KCNA3: variants seen among roughly 807,000 people sequenced by gnomAD.
KCNA3 encodes the protein potassium voltage-gated channel subfamily A member 3, also known as RP11-284N8.3.
A neutral mutation model predicts 34.3 loss-of-function variants in KCNA3; 18 were observed. The observed-to-expected ratio is 0.52, with a 90% confidence interval of 0.36 to 0.78. The LOEUF is 0.78. Among genes scored for constraint, KCNA3 ranks in the 30% least tolerant of loss-of-function variants. The probability of loss-of-function intolerance (pLI) is 0.00; values close to 1 mark genes in which losing one functional copy is unlikely to be tolerated. For synonymous variants in KCNA3, 324 were observed against 351.7 expected (o/e 0.92, Z 0.88); for missense variants, 587 against 802.5 (o/e 0.73, Z 3.24).
At chr1:110,658,468 A>C in the KCNA3 span, among the ~76,000 whole-genome samples, 1 of 152,198 alleles carries the variant, frequency 6.6e-6, no homozygotes. Context: ...GACTTTCCAT[A>C]AGGCTTATGA....
chr1:110,666,909 A>G, the KCNA3 span, among the ~76,000 whole-genome samples: 1 of 152,218 alleles, frequency 6.6e-6, no homozygotes, highest in African/African-American at 2.4e-5. Context: ...AAGGCTGGAA[A>G]AAAAGAAAAA....
Position 110,673,004 on chromosome 1 carries a change from T to C in KCNA3, c.*78A>G. On this transcript the variant is annotated 3_prime_UTR_variant, in exon 1 of 1. Coordinates refer to ENST00000369769, the MANE Select transcript of KCNA3 (RefSeq NM_002232.5). The surrounding 1 kb of genome is among the most constrained non-coding windows in gnomAD (Gnocchi z 8.8). ...TTCCTTGATGAATGGTCTGGAAATG[T>C]ATAAAACAAGGGCATAGGCAGACCA... The C allele has an allele frequency of 2.2e-6, 3 of 1,353,008 alleles. No individual in the cohort carries two copies. Among genetic ancestry groups the C allele is most frequent in the Non-Finnish European group, 3.1e-6 (3 of 981,392 alleles). 83.8% of individuals were successfully genotyped at this position (1,353,008 alleles called of 1,614,324 possible). A position where few individuals can be genotyped will look rare whatever the true frequency, so the allele number is the denominator to read the frequency against.
the KCNA3 span, among the ~76,000 whole-genome samples, chr1:110,658,026 A>AC: frequency 6.6e-6 from 1 of 152,230 alleles, no homozygotes; most frequent in Non-Finnish European, 1.5e-5. Flanking sequence ...ACATAGCTCA[A>AC]ATCTGAGATA....
chr1:110,671,338 T>C (rs1461185330), downstream of KCNA3, among the ~76,000 whole-genome samples: 1 of 152,230 alleles, frequency 6.6e-6, no homozygotes, highest in Non-Finnish European at 1.5e-5. Context: ...AGGTGTAAAT[T>C]ATTTTTAAAA....
At chr1:110,660,059 T>G in the KCNA3 span, among the ~76,000 whole-genome samples, 2 of 152,112 alleles carry the variant, frequency 1.3e-5, no homozygotes, top group African/African-American at 4.8e-5. Context: ...GTTGTGCACA[T>G]GTAACCTAGA....
chr1:110,668,026 C>A (rs376983790), downstream of KCNA3, among the ~76,000 whole-genome samples: 1 of 152,080 alleles, frequency 6.6e-6, no homozygotes, highest in East Asian at 1.9e-4. Flanking sequence ...AGGTTATCAA[C>A]CACTTCCTAA....
chr1:110,659,439 A>T, the KCNA3 span, among the ~76,000 whole-genome samples: 2 of 152,184 alleles, frequency 1.3e-5, no homozygotes, highest in African/African-American at 4.8e-5. Flanking sequence ...TTTAATGTCA[A>T]CTGAAATAAA....
chr1:110,659,677 GA>G, the KCNA3 span, among the ~76,000 whole-genome samples: 1 of 151,732 alleles, frequency 6.6e-6, no homozygotes, highest in Non-Finnish European at 1.5e-5. Context: ...TTCCATTCAT[GA>G]ACCAGCCCAA....
the KCNA3 span, among the ~76,000 whole-genome samples, chr1:110,659,177 G>GA: frequency 3.1e-4 from 33 of 105,746 alleles, no homozygotes; most frequent in Non-Finnish European, 4.4e-4. Context: ...CTACTTAATT[G>GA]AAAAAAAAAA....
chr1:110,659,469 A>G, the KCNA3 span, among the ~76,000 whole-genome samples: 1 of 152,312 alleles, frequency 6.6e-6, no homozygotes, highest in African/African-American at 2.4e-5. Flanking sequence ...TGGCAGATGG[A>G]TCACTGCCCA....
chr1:110,673,217 C>A lies in KCNA3; in HGVS notation c.1593G>T (p.Val531=). Residue 531 remains valine (V), a synonymous_variant, in exon 1 of 1, where the codon GTG becomes GTT. Transcript: ENST00000369769. The surrounding 1 kb of genome is among the most constrained non-coding windows in gnomAD (Gnocchi z 8.8). Reference sequence around the variant, plus strand: ...TATGGTTCATACCCCCCTCTTCGATCACCATATACTCCGACTTACTCAGAG... The same window carrying A: ...TATGGTTCATACCCCCCTCTTCGATAACCATATACTCCGACTTACTCAGAG... ...NSTLSKSEYM[V]IEEGGMNHSA... is the part of the protein sequence containing the mutation. 6.2e-7 allele frequency: 1 copy of A among 1,614,148 alleles called. No homozygotes were observed. Among genetic ancestry groups the A allele is most frequent in the Non-Finnish European group, 8.5e-7 (1 of 1,180,038 alleles).
chr1:110,674,514 T>C lies in KCNA3; in HGVS notation c.296A>G (p.Gln99Arg). ...GACCACGCGCTCCCCGCAGCAGTCC[T>C]GCTCGCCCGCGGCCGGCAGTGAGGG... Reference protein sequence around the residue: ...LPPSLPAAGEQDCCGERVVIN... With the variant: ...LPPSLPAAGERDCCGERVVIN... The change falls in exon 1 of 1, where the codon CAG becomes CGG. Residue 99 changes from glutamine to arginine, a missense_variant. This residue lies in a region of KCNA3 where 341 missense variants were observed against 355.4 expected (regional missense o/e 0.96). Coordinates refer to ENST00000369769, the MANE Select transcript of KCNA3 (RefSeq NM_002232.5). The surrounding 1 kb of genome is among the most constrained non-coding windows in gnomAD (Gnocchi z 6.4). The C allele has an allele frequency of 3.1e-6, 5 of 1,611,700 alleles. No homozygotes were observed. Among genetic ancestry groups the C allele is most frequent in the Non-Finnish European group, 4.2e-6 (5 of 1,179,114 alleles).
At chr1:110,662,851 A>T in the KCNA3 span, among the ~76,000 whole-genome samples, 1 of 152,206 alleles carries the variant, frequency 6.6e-6, no homozygotes, top group East Asian at 1.9e-4. Context: ...ATGCTCTTTT[A>T]AAATCAGTTA....
the KCNA3 span, among the ~76,000 whole-genome samples, chr1:110,663,049 A>G: frequency 2.0e-5 from 3 of 152,172 alleles, no homozygotes; most frequent in Non-Finnish European, 4.4e-5. Context: ...AAATGTATTC[A>G]TGACTATCTG....
chr1:110,670,288 C>G (rs1651837102), downstream of KCNA3, among the ~76,000 whole-genome samples: 1 of 152,130 alleles, frequency 6.6e-6, no homozygotes, highest in Non-Finnish European at 1.5e-5. Context: ...AGCTTATATC[C>G]TTTAGGGAAC....
chr1:110,658,704 A>G, the KCNA3 span, among the ~76,000 whole-genome samples: 1 of 152,160 alleles, frequency 6.6e-6, no homozygotes, highest in Admixed American at 6.5e-5. Flanking sequence ...GAAAAGCTAT[A>G]AACATTAGAT....
chr1:110,657,661 T>C, the KCNA3 span, among the ~76,000 whole-genome samples: 1 of 152,240 alleles, frequency 6.6e-6, no homozygotes, highest in Non-Finnish European at 1.5e-5. Context: ...AACTGTAACC[T>C]GTAATAATAA....
the KCNA3 span, chr1:110,657,043 T>C: frequency 7.2e-6 from 1 of 138,080 alleles, no homozygotes; most frequent in African/African-American, 2.7e-5. Flanking sequence ...TACTTAAGTT[T>C]TCTTTTTTTT....
the KCNA3 span, chr1:110,654,580 G>A: frequency 6.6e-6 from 1 of 152,152 alleles, no homozygotes; most frequent in South Asian, 2.1e-4. Context: ...TCTGTGGTCA[G>A]GGTGTGCAAA....
Sources: gnomAD v4.1 joint callset for allele counts (sites outside exome capture counted in the v4.1 genomes callset) on GRCh38, gnomAD v4.1.1 for gene constraint, gnomAD v4.1.1 regional missense constraint, Gnocchi (gnomAD v3.1) non-coding constraint, MANE v1.5 for transcripts, NCBI Gene and HGNC (gene_info 2026-07-23, HGNC 2026-07-21) for gene names.